Variants in TNNI3K observed in about 807,000 individuals in gnomAD.
TNNI3K encodes TNNI3 interacting kinase.
TNNI3K carries 140 observed loss-of-function variants against 114.5 expected under a neutral mutation model. The ratio of observed to expected loss-of-function variants is 1.22; its 90% CI spans 1.07 to 1.41. The LOEUF (loss-of-function observed/expected upper bound fraction) is 1.41. Among genes scored for constraint, TNNI3K ranks in the 40% most tolerant of loss-of-function variants. The pLI is 0.00. For missense variants in TNNI3K, 1,125 were observed against 1,007.6 expected (o/e 1.12, Z -1.58); for synonymous variants, 347 against 347.5 (o/e 1.00, Z 0.02).
intron 9 of TNNI3K, among the ~76,000 whole-genome samples, chr1:74,345,071 G>GTA (rs1660932329): frequency 1.3e-5 from 2 of 151,852 alleles, no homozygotes; most frequent in African/African-American, 4.8e-5. Context: ...ATATATGTGT[G>GTA]TACACATGCA....
At position 74,464,694 on chromosome 1, in the gene TNNI3K, G is replaced by A. The variant is rs530200325; in HGVS notation, c.2121+1144G>A. On this transcript the variant is annotated intron_variant, in intron 21 of 24. Transcript: ENST00000326637. ...CTGTGTACACAGAAACTCTTAAGAA[G>A]AAAAATGAAGATCGTTTTGGGATGT... 1.0e-4 allele frequency: 167 copies of A among 1,595,076 alleles called. No homozygotes were observed. In the African/African-American group the frequency reaches 2.0e-3, roughly 19 times the overall value.
chr1:74,506,193 T>A (rs978494503), intron 23 of TNNI3K, among the ~76,000 whole-genome samples: 63 of 152,238 alleles, frequency 4.1e-4, no homozygotes, highest in African/African-American at 1.4e-3. Context: ...ATCTGTGACA[T>A]AGAACAGAAA....
chr1:74,314,821 A>C (rs1165660916), intron 5 of TNNI3K, among the ~76,000 whole-genome samples: 2 of 152,184 alleles, frequency 1.3e-5, no homozygotes, highest in Admixed American at 6.5e-5. Flanking sequence ...TAGTGAAGAG[A>C]CACCACAGGC....
intron 5 of TNNI3K, among the ~76,000 whole-genome samples, chr1:74,273,644 C>T (rs529039744): frequency 1.3e-5 from 2 of 151,986 alleles, no homozygotes; most frequent in South Asian, 4.1e-4. Flanking sequence ...CTTTCTAAAT[C>T]ATAATATGGA....
At chr1:74,350,288 G>C (rs1661266508) in intron 9 of TNNI3K, among the ~76,000 whole-genome samples, 1 of 152,192 alleles carries the variant, frequency 6.6e-6, no homozygotes, top group Non-Finnish European at 1.5e-5. Flanking sequence ...AGTTTTGTGT[G>C]AGTTACTTAA....
intron 11 of TNNI3K, among the ~76,000 whole-genome samples, chr1:74,364,220 G>A (rs1017191684): frequency 6.6e-6 from 1 of 151,524 alleles, no homozygotes; most frequent in African/African-American, 2.4e-5. Context: ...GCCCAGCCTG[G>A]TCTTCAACTC....
At chr1:74,396,557 G>A (rs1352745393) in intron 17 of TNNI3K, among the ~76,000 whole-genome samples, 1 of 152,172 alleles carries the variant, frequency 6.6e-6, no homozygotes, top group East Asian at 1.9e-4. Context: ...TGGGGAAGAG[G>A]GGAATGATTA....
chr1:74,511,651 C>T (rs1165372538), intron 23 of TNNI3K, among the ~76,000 whole-genome samples: 1 of 151,884 alleles, frequency 6.6e-6, no homozygotes, highest in East Asian at 1.9e-4. Flanking sequence ...TCTCTTCAGT[C>T]CTGGGGGAAT....
At chr1:74,269,474 C>T (rs1314701749) in intron 4 of TNNI3K, among the ~76,000 whole-genome samples, 5 of 151,736 alleles carry the variant, frequency 3.3e-5, no homozygotes, top group African/African-American at 4.8e-5. Context: ...TAATTGTATG[C>T]AGGATGGACT....
intron 2 of TNNI3K, among the ~76,000 whole-genome samples, chr1:74,244,382 T>C (rs959210341): frequency 6.6e-6 from 1 of 152,124 alleles, no homozygotes; most frequent in Non-Finnish European, 1.5e-5. Context: ...CTGAGTCACT[T>C]ATAGATGGTA....
intron 5 of TNNI3K, among the ~76,000 whole-genome samples, chr1:74,304,676 C>T (rs186120415): frequency 7.2e-5 from 11 of 152,172 alleles, no homozygotes; most frequent in Admixed American, 5.2e-4. Context: ...AACTTCCTGC[C>T]TTAACTGATC....
At chr1:74,424,869 A>G (rs559009308) in intron 17 of TNNI3K, among the ~76,000 whole-genome samples, 1 of 152,274 alleles carries the variant, frequency 6.6e-6, no homozygotes, top group East Asian at 1.9e-4. Context: ...GGGACAAATG[A>G]TACAAAGTGG....
intron 23 of TNNI3K, among the ~76,000 whole-genome samples, chr1:74,507,945 C>T (rs1051837554): frequency 1.3e-5 from 2 of 152,248 alleles, no homozygotes; most frequent in East Asian, 1.9e-4. Flanking sequence ...TTGCCAGGAA[C>T]CAAAGATGCT....
intron 5 of TNNI3K, among the ~76,000 whole-genome samples, chr1:74,287,749 A>G (rs1285610132): frequency 1.3e-5 from 2 of 152,188 alleles, no homozygotes; most frequent in Non-Finnish European, 2.9e-5. Context: ...ATCAAACTAA[A>G]AAGCATTGGC....
In TNNI3K at chr1:74,271,482, A is replaced by C. The variant is rs17095049; in HGVS notation, c.334-116A>C. The C allele has an allele frequency of 3.5e-3, 3,202 of 903,898 alleles. 79 individuals carry two copies. The African/African-American group carries it at 0.048, about 14-fold the overall frequency. 56.0% of individuals were successfully genotyped at this position (903,898 alleles called of 1,614,324 possible). A position where few individuals can be genotyped will look rare whatever the true frequency, so the allele number is the denominator to read the frequency against. On this transcript the variant is annotated intron_variant, in intron 4 of 24. Transcript: ENST00000326637. ...TGCTCTTATGCTAGAAATCACACTTAAGTTTCCTTTGAGCACCTGAACTGG... is the reference window on the plus strand; with the variant it reads ...TGCTCTTATGCTAGAAATCACACTTCAGTTTCCTTTGAGCACCTGAACTGG...
intron 5 of TNNI3K, among the ~76,000 whole-genome samples, chr1:74,289,234 A>T (rs1032980411): frequency 1.3e-5 from 2 of 152,038 alleles, no homozygotes; most frequent in African/African-American, 4.8e-5. Context: ...TTTTTGACTT[A>T]AAAAATGGAT....
chr1:74,257,889 G>A (rs574976169), intron 4 of TNNI3K, among the ~76,000 whole-genome samples: 2 of 151,940 alleles, frequency 1.3e-5, no homozygotes, highest in East Asian at 3.9e-4. Flanking sequence ...GGATGGTCTC[G>A]ATCTCCTGAC....
At chr1:74,239,518 C>T (rs760602466) in intron 2 of TNNI3K, among the ~76,000 whole-genome samples, 2 of 152,040 alleles carry the variant, frequency 1.3e-5, no homozygotes, top group Non-Finnish European at 2.9e-5. Flanking sequence ...TGTTATGTTG[C>T]CTGACATCAG....
intron 21 of TNNI3K, among the ~76,000 whole-genome samples, chr1:74,465,274 G>A (rs929191451): frequency 5.3e-5 from 8 of 152,226 alleles, no homozygotes; most frequent in African/African-American, 1.9e-4. Flanking sequence ...GCGGGGAGGT[G>A]TGGAGGGAGA....
Sources: allele counts gnomAD v4.1 joint callset (sites outside exome capture counted in the v4.1 genomes callset), GRCh38; gene constraint gnomAD v4.1.1; transcripts MANE v1.5; gene names NCBI Gene and HGNC (gene_info 2026-07-23, HGNC 2026-07-21).